Variants in SHISA9 observed in about 807,000 individuals in gnomAD.
The protein encoded by SHISA9 is protein shisa-9.
Under a neutral mutation model 38.0 loss-of-function variants are expected in SHISA9, and 13 were observed. The ratio of observed to expected loss-of-function variants is 0.34; its 90% CI spans 0.22 to 0.54. The LOEUF is 0.54. Ranked by LOEUF, SHISA9 falls within the 20% of genes least tolerant of loss-of-function variation. SHISA9 has a pLI of 0.91. For synonymous variants in SHISA9, 275 were observed against 242.0 expected (o/e 1.14, Z -1.27); for missense variants, 538 against 575.8 (o/e 0.93, Z 0.67).
chr16:13,551,883 C>G, the SHISA9 span, among the ~76,000 whole-genome samples: 1 of 152,100 alleles, frequency 6.6e-6, no homozygotes, highest in Non-Finnish European at 1.5e-5. Flanking sequence ...AAAAACTAGC[C>G]AGGCAAGGTT....
chr16:13,060,470 T>C (rs2073360975), intron 2 of SHISA9, among the ~76,000 whole-genome samples: 1 of 151,958 alleles, frequency 6.6e-6, no homozygotes, highest in African/African-American at 2.4e-5. Context: ...CAGAGGGTGA[T>C]GGTGAAGACT....
the SHISA9 span, among the ~76,000 whole-genome samples, chr16:13,484,905 A>G: frequency 6.6e-6 from 1 of 152,116 alleles, no homozygotes; most frequent in Non-Finnish European, 1.5e-5. Flanking sequence ...CTCCTCCAAC[A>G]CTGGGGCCTA....
intron 2 of SHISA9, among the ~76,000 whole-genome samples, chr16:12,951,311 C>A (rs1339123144): frequency 6.7e-6 from 1 of 150,250 alleles, no homozygotes; most frequent in Non-Finnish European, 1.5e-5. Context: ...TTGTGGCTCT[C>A]GTTACGTTTC....
intron 2 of SHISA9, among the ~76,000 whole-genome samples, chr16:13,035,776 C>T (rs534365951): frequency 3.3e-5 from 5 of 152,298 alleles, no homozygotes; most frequent in Non-Finnish European, 5.9e-5. Context: ...GGTGATCTGC[C>T]TGCCAATAAC....
At chr16:13,049,218 C>A (rs1393621384) in intron 2 of SHISA9, among the ~76,000 whole-genome samples, 2 of 137,508 alleles carry the variant, frequency 1.5e-5, no homozygotes, top group African/African-American at 5.3e-5. Flanking sequence ...GTGTATGTGT[C>A]TGTGTGTGTT....
the SHISA9 span, among the ~76,000 whole-genome samples, chr16:13,528,367 C>A: frequency 6.6e-6 from 1 of 151,438 alleles, no homozygotes; most frequent in African/African-American, 2.4e-5. Context: ...TTTAAAAGTT[C>A]TCAGTGAAGG....
the SHISA9 span, among the ~76,000 whole-genome samples, chr16:13,250,932 C>T: frequency 1.3e-5 from 2 of 152,158 alleles, no homozygotes; most frequent in African/African-American, 4.8e-5. Context: ...TTTGGGGATT[C>T]TGATGCAAGT....
chr16:13,127,085 C>T (rs1567221056), intron 2 of SHISA9, among the ~76,000 whole-genome samples: 1 of 116,170 alleles, frequency 8.6e-6, no homozygotes, highest in East Asian at 2.9e-4. Context: ...AGAGAGACAG[C>T]TGAGGGAAGG....
At chr16:13,109,421 T>C (rs978034994) in intron 2 of SHISA9, among the ~76,000 whole-genome samples, 1 of 152,196 alleles carries the variant, frequency 6.6e-6, no homozygotes, top group Admixed American at 6.6e-5. Flanking sequence ...TCTCTCCTCA[T>C]GCTCAGGGAT....
At chr16:13,256,767 C>T in the SHISA9 span, among the ~76,000 whole-genome samples, 1 of 152,206 alleles carries the variant, frequency 6.6e-6, no homozygotes, top group African/African-American at 2.4e-5. Flanking sequence ...TCTTTTACTA[C>T]ACGGTGTTGC....
At chr16:13,117,253 G>A (rs2074039534) in intron 2 of SHISA9, among the ~76,000 whole-genome samples, 2 of 152,280 alleles carry the variant, frequency 1.3e-5, no homozygotes, top group Admixed American at 1.3e-4. Context: ...GGGATTATGG[G>A]CATGAGCCAC....
chr16:13,298,076 C>G, the SHISA9 span, among the ~76,000 whole-genome samples: 2 of 152,132 alleles, frequency 1.3e-5, no homozygotes, highest in Non-Finnish European at 2.9e-5. Flanking sequence ...CTTTCTGAAA[C>G]TCTTATCTTC....
chr16:13,337,709 G>A, the SHISA9 span, among the ~76,000 whole-genome samples: 3 of 152,296 alleles, frequency 2.0e-5, no homozygotes, highest in South Asian at 6.2e-4. Flanking sequence ...ATTGTAACCT[G>A]CAGTGTTGGA....
chr16:13,425,578 A>G, the SHISA9 span, among the ~76,000 whole-genome samples: 2 of 152,202 alleles, frequency 1.3e-5, no homozygotes, highest in South Asian at 4.1e-4. Flanking sequence ...ACTGGGTACT[A>G]TGTTCATTGT....
chr16:13,373,792 G>T, the SHISA9 span, among the ~76,000 whole-genome samples: 1 of 150,158 alleles, frequency 6.7e-6, no homozygotes, highest in Non-Finnish European at 1.5e-5. Flanking sequence ...TGGGAGTGAC[G>T]ATAGTGCCAC....
the SHISA9 span, among the ~76,000 whole-genome samples, chr16:13,438,218 A>T: frequency 5.9e-5 from 9 of 152,152 alleles, no homozygotes; most frequent in Admixed American, 5.2e-4. Flanking sequence ...CAAGGCATTC[A>T]CCTTGTGTGA....
At chr16:13,091,516 C>G (rs1183235700) in intron 2 of SHISA9, among the ~76,000 whole-genome samples, 2 of 152,156 alleles carry the variant, frequency 1.3e-5, no homozygotes, top group African/African-American at 4.8e-5. Flanking sequence ...AATTTTTTCT[C>G]TAAACTTCTC....
At chr16:13,301,046 C>A in the SHISA9 span, among the ~76,000 whole-genome samples, 2 of 151,954 alleles carry the variant, frequency 1.3e-5, no homozygotes, top group Admixed American at 6.6e-5. Flanking sequence ...TTCGTCTTTC[C>A]CTTCTTTCAA....
At chr16:13,349,326 T>C in the SHISA9 span, among the ~76,000 whole-genome samples, 1 of 152,180 alleles carries the variant, frequency 6.6e-6, no homozygotes, top group Admixed American at 6.5e-5. Context: ...TAGAGGCAGC[T>C]CTGGGTTCTT....
Sources: allele counts gnomAD v4.1 joint callset (sites outside exome capture counted in the v4.1 genomes callset), GRCh38; gene constraint gnomAD v4.1.1; transcripts MANE v1.5; gene names NCBI Gene and HGNC (gene_info 2026-07-23, HGNC 2026-07-21).